The following TENM3 variants were observed in gnomAD, a reference collection of about 807,000 sequenced individuals.
The protein encoded by TENM3 is teneurin transmembrane protein 3.
TENM3 carries 63 observed loss-of-function variants against 255.1 expected under a neutral mutation model. That is an observed-to-expected ratio of 0.25 (90% CI 0.20 to 0.30). The LOEUF (loss-of-function observed/expected upper bound fraction) is 0.30. Ranked by LOEUF, TENM3 falls within the 10% of genes least tolerant of loss-of-function variation. The pLI is 1.00. For missense variants in TENM3, 2,929 were observed against 3,461.1 expected, an observed-to-expected ratio of 0.85 and a Z score of 3.86; for synonymous variants, 1,306 against 1,322.3, an observed-to-expected ratio of 0.99 and a Z score of 0.27.
the TENM3 span, among the ~76,000 whole-genome samples, chr4:181,817,907 C>T: frequency 1.3e-5 from 2 of 152,154 alleles, no homozygotes; most frequent in Non-Finnish European, 1.5e-5. Context: ...TAGACAAGGG[C>T]CAAAACTCCC....
intron 3 of TENM3, among the ~76,000 whole-genome samples, chr4:182,576,615 T>C (rs1744946808): frequency 6.6e-6 from 1 of 152,364 alleles, no homozygotes; most frequent in Middle Eastern, 3.4e-3. Flanking sequence ...CTTCATTTAG[T>C]GTGTTGCTAA....
the TENM3 span, among the ~76,000 whole-genome samples, chr4:181,797,345 G>GA: frequency 1.3e-5 from 2 of 152,074 alleles, no homozygotes; most frequent in East Asian, 3.9e-4. Flanking sequence ...GGAGAACAGA[G>GA]AAGGGGCCTT....
chr4:182,444,031 G>A (rs919307663), intron 3 of TENM3, among the ~76,000 whole-genome samples: 1 of 152,092 alleles, frequency 6.6e-6, no homozygotes, highest in Non-Finnish European at 1.5e-5. Context: ...TATTGTGGGT[G>A]GATTTTTCCA....
At chr4:182,617,411 C>T (rs1749643463) in intron 4 of TENM3, among the ~76,000 whole-genome samples, 1 of 152,162 alleles carries the variant, frequency 6.6e-6, no homozygotes, top group African/African-American at 2.4e-5. Flanking sequence ...TAATTTTAGC[C>T]TTCATGTATT....
chr4:181,605,594 AAAGAAAGAAAGAAAGAAAGAAAAG>A, the TENM3 span, among the ~76,000 whole-genome samples: 1 of 117,720 alleles, frequency 8.5e-6, no homozygotes, highest in Non-Finnish European at 1.9e-5. Context: ...GGAAAGAAAG[AAAGAAAGAAAGAAAGAAAGAAAAG>A]AAAGAACAAG....
chr4:182,178,704 C>T (rs910339168), intron 1 of TENM3, among the ~76,000 whole-genome samples: 3 of 152,164 alleles, frequency 2.0e-5, no homozygotes, highest in African/African-American at 7.2e-5. Flanking sequence ...AATAAAACAA[C>T]TCCATCATCA....
At chr4:182,190,220 T>C (rs1045665940) in intron 1 of TENM3, 1 of 152,190 alleles carries the variant, frequency 6.6e-6, no homozygotes, top group Non-Finnish European at 1.5e-5. Flanking sequence ...ATTCTAGATC[T>C]CTGGAAGGGA....
the TENM3 span, among the ~76,000 whole-genome samples, chr4:181,585,822 T>C: frequency 6.6e-6 from 1 of 152,172 alleles, no homozygotes; most frequent in Non-Finnish European, 1.5e-5. Context: ...TTCCTCCATA[T>C]ACTTTTCTTC....
the TENM3 span, among the ~76,000 whole-genome samples, chr4:181,926,926 C>T: frequency 6.6e-6 from 1 of 152,064 alleles, no homozygotes; most frequent in Middle Eastern, 3.4e-3. Context: ...AACTCCCTCC[C>T]CTAGCCAAGG....
the TENM3 span, among the ~76,000 whole-genome samples, chr4:181,894,345 C>A: frequency 6.6e-6 from 1 of 152,192 alleles, no homozygotes; most frequent in African/African-American, 2.4e-5. Flanking sequence ...CTAATTCTCT[C>A]AGAAGCTTGT....
chr4:181,883,626 C>T, the TENM3 span, among the ~76,000 whole-genome samples: 1 of 152,078 alleles, frequency 6.6e-6, no homozygotes, highest in African/African-American at 2.4e-5. Context: ...AGGCGCCCGC[C>T]ACCACGCCTG....
intron 2 of TENM3, among the ~76,000 whole-genome samples, chr4:182,336,818 G>T (rs1764168074): frequency 6.7e-6 from 1 of 148,580 alleles, no homozygotes; most frequent in African/African-American, 2.5e-5. Context: ...TTTTCTCCTT[G>T]GACTGTTGAT....
the TENM3 span, among the ~76,000 whole-genome samples, chr4:181,506,269 T>G: frequency 6.6e-6 from 1 of 152,144 alleles, no homozygotes; most frequent in African/African-American, 2.4e-5. Context: ...AACACTATTT[T>G]GATTTCTCAC....
In TENM3 at chr4:182,205,865, T is replaced by G. The variant is rs1179566770; in HGVS notation, c.-76+61111T>G. ...GCTGCCTTCGTACACGCAGGCAAAG[T>G]GCATTCGACAGAATATGAAAAAATT... On this transcript the variant is annotated intron_variant, in intron 1 of 2. Transcript: ENST00000512480. Among the ~76,000 whole-genome samples, 5 of 152,256 alleles carry G rather than the reference T, an allele frequency of 3.3e-5. No individual in the cohort carries two copies. The East Asian group carries it at 9.7e-4, about 30-fold the overall frequency.
intron 3 of TENM3, among the ~76,000 whole-genome samples, chr4:182,595,784 C>G (rs1456915739): frequency 2.0e-5 from 3 of 151,580 alleles, no homozygotes; most frequent in Admixed American, 2.0e-4. Context: ...TCTAAAATAT[C>G]TAAGAGCATT....
At chr4:182,757,559 G>T (rs978445256) in intron 22 of TENM3, among the ~76,000 whole-genome samples, 2 of 152,090 alleles carry the variant, frequency 1.3e-5, no homozygotes, top group African/African-American at 4.8e-5. Flanking sequence ...GCCTACAAAT[G>T]CATTTTAATC....
rs2152832032 is a variant in TENM3 at position 182,793,903 on chromosome 4, T to C, written c.7213+18T>C. 1 of 1,574,746 alleles carries C rather than the reference T, an allele frequency of 6.4e-7. No individual in the cohort carries two copies. Among genetic ancestry groups the C allele is most frequent in the Non-Finnish European group, 8.6e-7 (1 of 1,160,116 alleles). ...CATCACAGGTAAGCATTTTGATTCC[T>C]TCCCAAGAGCTGGAGGACTACCATC... On this transcript the variant is annotated intron_variant, in intron 26 of 27. Transcript: ENST00000511685. This position sits in a 1 kb window ranked among gnomAD's most constrained non-coding sequence, Gnocchi z 5.7.
chr4:182,033,994 G>C, the TENM3 span, among the ~76,000 whole-genome samples: 1,943 of 152,214 alleles, frequency 0.013, 46 homozygotes, highest in African/African-American at 0.044. Flanking sequence ...CCCCAGACTG[G>C]GTAATGTTTA....
chr4:182,728,948 A>C lies in TENM3; in HGVS notation c.2369-17A>C, dbSNP rs781358582. On this transcript the variant is annotated splice_polypyrimidine_tract_variant and intron_variant, in intron 13 of 27. Coordinates refer to ENST00000511685, the MANE Select transcript of TENM3 (RefSeq NM_001080477.4). ...CAAAAGGAAAATTCTCTTACTGGGG[A>C]ACATTTCTCTCTACAGATGGACTCA... 1.2e-6 allele frequency: 2 copies of C among 1,606,836 alleles called. No homozygotes were observed. Among genetic ancestry groups the C allele is most frequent in the South Asian group, 2.2e-5 (2 of 90,590 alleles).
Sources: allele counts gnomAD v4.1 joint callset (sites outside exome capture counted in the v4.1 genomes callset), GRCh38; gene constraint gnomAD v4.1.1; non-coding constraint Gnocchi (gnomAD v3.1); transcripts MANE v1.5; gene names NCBI Gene and HGNC (gene_info 2026-07-23, HGNC 2026-07-21).